The following SBF2 variants were observed in gnomAD, a reference collection of about 807,000 sequenced individuals.
SBF2 encodes SET binding factor 2, also known as myotubularin-related protein 13.
A neutral mutation model predicts 225.2 loss-of-function variants in SBF2; 112 were observed. The observed-to-expected ratio is 0.50, with a 90% CI of 0.43 to 0.58. SBF2 has a LOEUF of 0.58. Ranked by LOEUF, SBF2 falls within the 20% of genes least tolerant of loss-of-function variation. The pLI is 0.00. For missense variants in SBF2, 1,996 were observed against 2,206.2 expected, an observed-to-expected ratio of 0.90 and a Z score of 1.91; for synonymous variants, 763 against 773.3, an observed-to-expected ratio of 0.99 and a Z score of 0.22.
chr11:9,984,916 G>C (rs753395887), intron 13 of SBF2, among the ~76,000 whole-genome samples: 2 of 152,058 alleles, frequency 1.3e-5, no homozygotes, highest in Non-Finnish European at 2.9e-5. Flanking sequence ...ACCACTACAA[G>C]AACTGCTAAA....
intron 16 of SBF2, among the ~76,000 whole-genome samples, chr11:9,915,225 G>C (rs887269866): frequency 2.0e-5 from 3 of 152,126 alleles, no homozygotes; most frequent in African/African-American, 7.2e-5. Context: ...GAGGCGGGCA[G>C]ATCATGAGGT....
rs182418237 is a variant in SBF2 at position 10,090,405 on chromosome 11, T to C, written c.142-47424A>G. ...GAGTTGACAGGTCTCACCCAAACACTGACACAGGTACAGATGACCCATGTC... is the reference window on the plus strand; with the variant it reads ...GAGTTGACAGGTCTCACCCAAACACCGACACAGGTACAGATGACCCATGTC... On this transcript the variant is annotated intron_variant, in intron 2 of 39. Coordinates refer to ENST00000256190, the MANE Select transcript of SBF2 (RefSeq NM_030962.4). Among the ~76,000 whole-genome samples the C allele has an allele frequency of 2.6e-5, 4 of 152,326 alleles. No homozygotes were observed. In the East Asian group the frequency reaches 7.7e-4, roughly 29 times the overall value.
chr11:10,177,954 T>C (rs2135274560), intron 2 of SBF2, among the ~76,000 whole-genome samples: 1 of 149,132 alleles, frequency 6.7e-6, no homozygotes, highest in Middle Eastern at 3.4e-3. Context: ...ACTACAAGGC[T>C]ACAGTAACCA....
intron 1 of SBF2, among the ~76,000 whole-genome samples, chr11:10,267,383 C>A (rs567186700): frequency 3.3e-5 from 5 of 151,536 alleles, no homozygotes; most frequent in African/African-American, 9.7e-5. Flanking sequence ...TATAGTAATC[C>A]GAGTAAGAAC....
At chr11:9,971,382 A>G (rs1867316449) in intron 13 of SBF2, among the ~76,000 whole-genome samples, 1 of 152,044 alleles carries the variant, frequency 6.6e-6, no homozygotes, top group South Asian at 2.1e-4. Flanking sequence ...GTTTAGAAAA[A>G]GCAGGATGCA....
chr11:9,816,320 T>C (rs186726964), intron 29 of SBF2, among the ~76,000 whole-genome samples: 1 of 152,288 alleles, frequency 6.6e-6, no homozygotes, highest in Non-Finnish European at 1.5e-5. Context: ...AGGACATGTG[T>C]CTCTTTCTAT....
intron 16 of SBF2, among the ~76,000 whole-genome samples, chr11:9,897,193 C>T (rs1861333723): frequency 6.6e-6 from 1 of 152,024 alleles, no homozygotes; most frequent in East Asian, 1.9e-4. Flanking sequence ...AATATTCAGC[C>T]TTAAAAAGAA....
intron 16 of SBF2, among the ~76,000 whole-genome samples, chr11:9,949,948 C>T (rs1021197119): frequency 3.0e-4 from 45 of 152,002 alleles, no homozygotes; most frequent in African/African-American, 1.1e-3. Context: ...ATACATACTT[C>T]AAAACATCAT....
At position 9,896,017 on chromosome 11, in the gene SBF2, A is replaced by G. The variant is rs77334447; in HGVS notation, c.1861-6T>C. The G allele has an allele frequency of 1.7e-5, 28 of 1,609,364 alleles. No individual in the cohort carries two copies. The East Asian group carries it at 6.0e-4, about 35-fold the overall frequency. ...TCTTCTAAACTTGAACAATCCTTTAAGCAAAACAAAGACAAAAGAGCATTA... is the reference window on the plus strand; with the variant it reads ...TCTTCTAAACTTGAACAATCCTTTAGGCAAAACAAAGACAAAAGAGCATTA... On this transcript the variant is annotated splice_region_variant and splice_polypyrimidine_tract_variant and intron_variant, in intron 16 of 39. Coordinates refer to ENST00000256190, the MANE Select transcript of SBF2 (RefSeq NM_030962.4).
intron 16 of SBF2, among the ~76,000 whole-genome samples, chr11:9,934,017 G>C (rs1367350235): frequency 6.6e-6 from 1 of 152,122 alleles, no homozygotes; most frequent in Non-Finnish European, 1.5e-5. Context: ...GGGAGGCGGA[G>C]CTTGCAGTGA....
rs905126471 is a variant in SBF2, at chr11:9,880,990, T to C, written c.1929+14953A>G. On this transcript the variant is annotated intron_variant, in intron 17 of 39. Transcript: ENST00000256190. ...CTCAGAAATGCATGCCTTAATCCTTTTACTGCCTACAGAAGACTCTGGCAA... is the reference window on the plus strand; with the variant it reads ...CTCAGAAATGCATGCCTTAATCCTTCTACTGCCTACAGAAGACTCTGGCAA... Among the ~76,000 whole-genome samples, 3 of 152,186 alleles carry C rather than the reference T, an allele frequency of 2.0e-5. No homozygotes were observed. In the South Asian group the frequency reaches 6.2e-4, roughly 32 times the overall value.
At chr11:9,882,575 A>G (rs7127595) in intron 17 of SBF2, among the ~76,000 whole-genome samples, 33,568 of 152,008 alleles carry the variant, frequency 0.22, 6,997 homozygotes, top group African/African-American at 0.53. Context: ...TTGGGAGGCC[A>G]AGGCGGGCGG....
At chr11:10,291,404 T>C (rs1447820114) in intron 1 of SBF2, among the ~76,000 whole-genome samples, 1 of 152,208 alleles carries the variant, frequency 6.6e-6, no homozygotes, top group Non-Finnish European at 1.5e-5. Context: ...TGGATTTCTC[T>C]GCCTCCAGAC....
At chr11:10,037,164 G>A (rs1222384916) in intron 3 of SBF2, among the ~76,000 whole-genome samples, 1 of 152,100 alleles carries the variant, frequency 6.6e-6, no homozygotes, top group Non-Finnish European at 1.5e-5. Flanking sequence ...TTCAAAAGGG[G>A]AGGAGAAGAC....
intron 2 of SBF2, chr11:10,044,522 A>G (rs986894240): frequency 4.7e-6 from 1 of 211,012 alleles, no homozygotes; most frequent in African/African-American, 2.4e-5. Context: ...CACTCACCAG[A>G]CTATGGAGGA....
chr11:9,934,947 T>G (rs1375176021), intron 16 of SBF2, among the ~76,000 whole-genome samples: 1 of 152,274 alleles, frequency 6.6e-6, no homozygotes, highest in Non-Finnish European at 1.5e-5. Flanking sequence ...TGTTGGAAGT[T>G]CTCACCAGGG....
intron 13 of SBF2, among the ~76,000 whole-genome samples, chr11:9,973,350 G>A (rs1365767641): frequency 1.3e-5 from 2 of 152,198 alleles, no homozygotes; most frequent in East Asian, 3.8e-4. Flanking sequence ...TTTTCCGACA[G>A]TACAAAGCAG....
At chr11:9,876,949 G>A (rs1859306349) in intron 17 of SBF2, among the ~76,000 whole-genome samples, 1 of 152,140 alleles carries the variant, frequency 6.6e-6, no homozygotes, top group Non-Finnish European at 1.5e-5. Flanking sequence ...ATGTTGGCCA[G>A]GCTGCTCTCA....
intron 16 of SBF2, among the ~76,000 whole-genome samples, chr11:9,902,753 T>C (rs1333380990): frequency 2.6e-5 from 4 of 152,128 alleles, no homozygotes; most frequent in Non-Finnish European, 5.9e-5. Context: ...ATACTGTCTT[T>C]TGATAGCAAA....
Sources: gnomAD v4.1 joint callset for allele counts (sites outside exome capture counted in the v4.1 genomes callset) on GRCh38, gnomAD v4.1.1 for gene constraint, MANE v1.5 for transcripts, NCBI Gene and HGNC (gene_info 2026-07-23, HGNC 2026-07-21) for gene names.